The following ITFG1 variants were observed in gnomAD, a reference collection of about 807,000 sequenced individuals.
The protein encoded by ITFG1 is T-cell immunomodulatory protein.
A neutral mutation model predicts 81.8 loss-of-function variants in ITFG1; 34 were observed. The ratio of observed to expected loss-of-function variants is 0.42; its 90% CI spans 0.32 to 0.55. The LOEUF (loss-of-function observed/expected upper bound fraction) is 0.55, where lower values mean the gene tolerates loss of function less well. Among genes scored for constraint, ITFG1 ranks in the 20% least tolerant of loss-of-function variants. The probability of loss-of-function intolerance (pLI) is 0.17; values close to 1 mark genes in which losing one functional copy is unlikely to be tolerated. For missense variants in ITFG1, 672 were observed against 755.4 expected, an observed-to-expected ratio of 0.89 and a Z score of 1.29; for synonymous variants, 285 against 270.6, an observed-to-expected ratio of 1.05 and a Z score of -0.52.
At chr16:47,439,242 C>A (rs774484326) in intron 5 of ITFG1, among the ~76,000 whole-genome samples, 2 of 152,068 alleles carry the variant, frequency 1.3e-5, no homozygotes, top group African/African-American at 4.8e-5. Context: ...GAGAATGGAA[C>A]CAAGTTGGAA....
chr16:47,411,052 T>C (rs1272344933), intron 6 of ITFG1, among the ~76,000 whole-genome samples: 1 of 152,160 alleles, frequency 6.6e-6, no homozygotes, highest in Non-Finnish European at 1.5e-5. Context: ...CTGCCAGCCC[T>C]ACCTGCAGGC....
At chr16:47,437,005 G>T (rs1032984598) in intron 5 of ITFG1, among the ~76,000 whole-genome samples, 1 of 152,082 alleles carries the variant, frequency 6.6e-6, no homozygotes, top group African/African-American at 2.4e-5. Flanking sequence ...AAGGGTTTGA[G>T]AAATCTTTTT....
intron 14 of ITFG1, among the ~76,000 whole-genome samples, chr16:47,171,720 T>G (rs1198326418): frequency 1.3e-5 from 2 of 149,972 alleles, no homozygotes; most frequent in Non-Finnish European, 2.9e-5. Context: ...TGTTTGGTTT[T>G]GTTTGTGTTT....
chr16:47,161,631 T>A (rs1302436859), intron 16 of ITFG1, 119 bp downstream of exon 16: 1 of 602,328 alleles, frequency 1.7e-6, no homozygotes, highest in Non-Finnish European at 3.0e-6. Context: ...GTAAGCAAAT[T>A]AAGGGATGGG....
intron 9 of ITFG1, 37 bp from the exon 10 acceptor site, chr16:47,311,449 AT>A: frequency 6.9e-7 from 1 of 1,455,418 alleles, no homozygotes; most frequent in South Asian, 1.4e-5. Flanking sequence ...CTTTATAGTT[AT>A]TTTATAAAAA....
chr16:47,380,185 A>C (rs912291478), intron 6 of ITFG1, among the ~76,000 whole-genome samples: 4 of 152,160 alleles, frequency 2.6e-5, no homozygotes, highest in African/African-American at 9.7e-5. Flanking sequence ...TGCTAAGGTT[A>C]GATCCCTAGG....
intron 6 of ITFG1, among the ~76,000 whole-genome samples, chr16:47,406,663 C>G (rs1414069884): frequency 6.6e-6 from 1 of 151,972 alleles, no homozygotes; most frequent in Non-Finnish European, 1.5e-5. Flanking sequence ...AGTTTGCATT[C>G]TAGTATGGGA....
At chr16:47,420,015 A>G (rs1178060676) in intron 6 of ITFG1, among the ~76,000 whole-genome samples, 1 of 150,310 alleles carries the variant, frequency 6.7e-6, no homozygotes, top group Non-Finnish European at 1.5e-5. Flanking sequence ...ACAATGGTGC[A>G]ATCATGGTTC....
chr16:47,408,062 CT>C (rs1314206554), intron 6 of ITFG1, among the ~76,000 whole-genome samples: 1 of 152,156 alleles, frequency 6.6e-6, no homozygotes, highest in Non-Finnish European at 1.5e-5. Flanking sequence ...AAATCAGTGT[CT>C]TTAAAAATCA....
intron 6 of ITFG1, among the ~76,000 whole-genome samples, chr16:47,385,235 TTAAAG>T (rs1326353129): frequency 2.0e-5 from 3 of 152,198 alleles, no homozygotes; most frequent in Non-Finnish European, 4.4e-5. Flanking sequence ...AAACTTCAGG[TTAAAG>T]TAATTTATTA....
At chr16:47,365,478 G>A (rs576274753) in intron 8 of ITFG1, 22 of 255,426 alleles carry the variant, frequency 8.6e-5, no homozygotes, top group Non-Finnish European at 1.1e-4. Flanking sequence ...TTGTATATAC[G>A]TGAAGAATTT....
chr16:47,278,972 T>C (rs1325807033), intron 10 of ITFG1, among the ~76,000 whole-genome samples: 1 of 152,172 alleles, frequency 6.6e-6, no homozygotes, highest in African/African-American at 2.4e-5. Context: ...CCAAGTTACA[T>C]TCTGAATCTT....
intron 6 of ITFG1, among the ~76,000 whole-genome samples, chr16:47,377,928 G>A (rs990921643): frequency 3.3e-5 from 5 of 152,182 alleles, no homozygotes; most frequent in Non-Finnish European, 5.9e-5. Context: ...TTGCTTGGAC[G>A]TCTAAAAATA....
intron 1 of ITFG1, among the ~76,000 whole-genome samples, chr16:47,460,008 A>T (rs1173179626): frequency 6.6e-6 from 1 of 152,212 alleles, no homozygotes; most frequent in Non-Finnish European, 1.5e-5. Context: ...TTCTGTAGGT[A>T]CTCAAGAACC....
At chr16:47,167,982 T>C (rs1174115304) in intron 14 of ITFG1, among the ~76,000 whole-genome samples, 1 of 152,194 alleles carries the variant, frequency 6.6e-6, no homozygotes. Flanking sequence ...TGATTCTAGG[T>C]TTAATTTTTT....
chr16:47,365,677 T>C (rs1445942457), intron 8 of ITFG1, 111 bp downstream of exon 8: 6 of 650,340 alleles, frequency 9.2e-6, no homozygotes, highest in African/African-American at 1.8e-5. Context: ...ATAATAGCTC[T>C]GAAGACCCTG....
intron 8 of ITFG1, among the ~76,000 whole-genome samples, chr16:47,315,768 C>CATATATATATATATATATATAT (rs546244760): frequency 0.013 from 1,881 of 144,342 alleles, 16 homozygotes; most frequent in African/African-American, 0.018. Flanking sequence ...TTCTAAATGC[C>CATATATATATATATATATATAT]ATATATATAT....
At chr16:47,388,714 C>T (rs1968493357) in intron 6 of ITFG1, among the ~76,000 whole-genome samples, 1 of 152,196 alleles carries the variant, frequency 6.6e-6, no homozygotes, top group African/African-American at 2.4e-5. Flanking sequence ...ATGAAATCAA[C>T]TATAACCTAA....
chr16:47,350,018 A>G (rs1967926511), intron 8 of ITFG1, among the ~76,000 whole-genome samples: 1 of 152,244 alleles, frequency 6.6e-6, no homozygotes, highest in African/African-American at 2.4e-5. Context: ...GAAACCAATG[A>G]GAACAAAGAC....
Sources: allele counts gnomAD v4.1 joint callset (sites outside exome capture counted in the v4.1 genomes callset), GRCh38; gene constraint gnomAD v4.1.1; transcripts MANE v1.5; gene names NCBI Gene and HGNC (gene_info 2026-07-23, HGNC 2026-07-21).